The following CAMTA1 variants were observed in gnomAD, a reference collection of about 807,000 sequenced individuals.
The protein encoded by CAMTA1 is calmodulin-binding transcription activator 1.
In CAMTA1, 27 loss-of-function variants were observed where a neutral mutation model predicts 170.9. The ratio of observed to expected loss-of-function variants is 0.16; its 90% CI spans 0.12 to 0.22. The LOEUF is 0.22. Among genes scored for constraint, CAMTA1 ranks in the 10% least tolerant of loss-of-function variants. The probability of loss-of-function intolerance (pLI) is 1.00; values close to 1 mark genes in which losing one functional copy is unlikely to be tolerated. For synonymous variants in CAMTA1, 833 were observed against 891.5 expected (o/e 0.93, Z 1.17); for missense variants, 1,619 against 2,217.2 (o/e 0.73, Z 5.42).
intron 4 of CAMTA1, among the ~76,000 whole-genome samples, chr1:7,190,190 C>T (rs1226913762): frequency 6.6e-6 from 1 of 152,104 alleles, no homozygotes; most frequent in Admixed American, 6.6e-5. Flanking sequence ...TGTATACTGC[C>T]TGGGAGATGG....
rs559440232 is a variant in CAMTA1, at chr1:7,414,608, C to G, written c.439-53222C>G. On this transcript the variant is annotated intron_variant, in intron 5 of 22. Transcript: ENST00000303635. ...TTCTGTGGGATCGGTGGTGATATCCCCTTTATCATTTTTTATTGTGTCTGT... is the reference window on the plus strand; with the variant it reads ...TTCTGTGGGATCGGTGGTGATATCCGCTTTATCATTTTTTATTGTGTCTGT... Among the ~76,000 whole-genome samples the G allele has an allele frequency of 7.9e-5, 12 of 152,012 alleles. No individual in the cohort carries two copies. In the South Asian group the frequency reaches 2.3e-3, roughly 29 times the overall value.
intron 1 of CAMTA1, among the ~76,000 whole-genome samples, chr1:6,804,067 C>T (rs1644218681): frequency 6.6e-6 from 1 of 152,002 alleles, no homozygotes; most frequent in African/African-American, 2.4e-5. Context: ...GCCAGTAATC[C>T]TAGCTACTTG....
intron 3 of CAMTA1, among the ~76,000 whole-genome samples, chr1:7,056,785 G>T (rs1286840884): frequency 6.6e-6 from 1 of 152,130 alleles, no homozygotes; most frequent in African/African-American, 2.4e-5. Context: ...GGAAAGTACC[G>T]AAGCTTGTGA....
intron 7 of CAMTA1, among the ~76,000 whole-genome samples, chr1:7,656,245 T>C (rs923977347): frequency 6.6e-6 from 1 of 152,182 alleles, no homozygotes; most frequent in African/African-American, 2.4e-5. Context: ...ACAACAGAAA[T>C]TGATCGTCTC....
intron 3 of CAMTA1, among the ~76,000 whole-genome samples, chr1:6,876,266 A>G (rs1275926507): frequency 6.6e-6 from 1 of 151,746 alleles, no homozygotes; most frequent in Non-Finnish European, 1.5e-5. Context: ...GTATGTTTAC[A>G]ATGTATCTGT....
chr1:7,745,129 C>CAAGG, intron 17 of CAMTA1, 107 bp downstream of exon 17: 1 of 1,090,588 alleles, frequency 9.2e-7, no homozygotes, highest in East Asian at 2.5e-5. Context: ...AAGACCATAC[C>CAAGG]AAGGAAGGAA....
At chr1:7,171,664 A>T (rs1649632499) in intron 4 of CAMTA1, among the ~76,000 whole-genome samples, 1 of 152,220 alleles carries the variant, frequency 6.6e-6, no homozygotes, top group Non-Finnish European at 1.5e-5. Context: ...ATTCAGTGGC[A>T]TTTAGCACGT....
chr1:7,240,785 C>G (rs142408963), intron 4 of CAMTA1, among the ~76,000 whole-genome samples: 1 of 152,130 alleles, frequency 6.6e-6, no homozygotes, highest in African/African-American at 2.4e-5. Flanking sequence ...AGATTACACA[C>G]GTGAGCCACC....
At chr1:7,556,439 C>T (rs890820216) in intron 6 of CAMTA1, among the ~76,000 whole-genome samples, 6 of 152,294 alleles carry the variant, frequency 3.9e-5, no homozygotes, top group South Asian at 2.1e-4. Context: ...TGCCTTCTTC[C>T]GGACCCTGGC....
intron 1 of CAMTA1, among the ~76,000 whole-genome samples, chr1:6,804,050 G>C (rs1425841891): frequency 6.6e-6 from 1 of 152,178 alleles, no homozygotes; most frequent in Non-Finnish European, 1.5e-5. Context: ...TGGGCATGGT[G>C]GCGGGTGCCA....
At chr1:7,121,954 C>T (rs1644667286) in intron 4 of CAMTA1, among the ~76,000 whole-genome samples, 1 of 152,008 alleles carries the variant, frequency 6.6e-6, no homozygotes, top group Non-Finnish European at 1.5e-5. Flanking sequence ...TCACCTTCTC[C>T]TTGGGGCTCC....
At position 7,443,320 on chromosome 1, in the gene CAMTA1, G is replaced by A. The variant is rs191884337; in HGVS notation, c.439-24510G>A. ...GGTCCCCATCGCATGCTCAGCCCCA[G>A]CATCGGGCCTGGCCCATGGCAAGCC... On this transcript the variant is annotated intron_variant, in intron 5 of 22. Transcript: ENST00000303635. This position sits in a 1 kb window ranked among gnomAD's most constrained non-coding sequence, Gnocchi z 4.1. Among the ~76,000 whole-genome samples the A allele has an allele frequency of 6.6e-6, 1 of 152,346 alleles. No homozygotes were observed. The highest frequency in any genetic ancestry group is 2.4e-5 in the African/African-American group (1 of 41,586).
chr1:6,958,473 A>G (rs1689844796), intron 3 of CAMTA1, among the ~76,000 whole-genome samples: 1 of 152,128 alleles, frequency 6.6e-6, no homozygotes, highest in Admixed American at 6.5e-5. Flanking sequence ...ATGAATTTCC[A>G]GGCATCTCCC....
chr1:7,107,790 G>C (rs1643761470), intron 4 of CAMTA1, among the ~76,000 whole-genome samples: 1 of 152,152 alleles, frequency 6.6e-6, no homozygotes, highest in African/African-American at 2.4e-5. Flanking sequence ...TGCGAGGCTA[G>C]AGGGCCTTTC....
chr1:7,259,442 G>C (rs569870405), intron 5 of CAMTA1, among the ~76,000 whole-genome samples: 2 of 152,092 alleles, frequency 1.3e-5, no homozygotes, highest in Non-Finnish European at 2.9e-5. Context: ...AGAATTTCAG[G>C]CCCCAACCCA....
At chr1:7,089,906 G>A (rs1251533268) in intron 3 of CAMTA1, among the ~76,000 whole-genome samples, 4 of 152,300 alleles carry the variant, frequency 2.6e-5, no homozygotes, top group East Asian at 3.9e-4. Context: ...GAAATAACAC[G>A]TAAAAAGGCT....
In CAMTA1 at chr1:6,994,033, T is replaced by C. The variant is rs557140283; in HGVS notation, c.235-97271T>C. ...AGGGAATGTAATGTATATTCTTAAC[T>C]TTTCACAATCTACATGTAGTTAATA... On this transcript the variant is annotated intron_variant, in intron 3 of 22. Coordinates refer to ENST00000303635, the MANE Select transcript of CAMTA1 (RefSeq NM_015215.4). Among the ~76,000 whole-genome samples, 94 of 152,324 alleles carry C rather than the reference T, an allele frequency of 6.2e-4. 1 individual carries two copies. The highest frequency in any genetic ancestry group is 1.7e-3 in the African/African-American group (72 of 41,588).
rs941767482 is a variant in CAMTA1, at chr1:7,146,398, T to C, written c.302+55027T>C. The stretch of plus-strand genomic sequence containing the variant: ...GAAGAGATAAGAATGTGTAGGAAGG[T>C]TATCTTTCAATTAAGAAGGGCAGTA... On this transcript the variant is annotated intron_variant, in intron 4 of 22. Transcript: ENST00000303635. The surrounding 1 kb of genome is among the most constrained non-coding windows in gnomAD (Gnocchi z 4.3). Among the ~76,000 whole-genome samples, 2 of 152,158 alleles carry C rather than the reference T, an allele frequency of 1.3e-5. No homozygotes were observed. The highest frequency in any genetic ancestry group is 6.5e-5 in the Admixed American group (1 of 15,284).
rs550466292 is a variant in CAMTA1, at chr1:7,447,710, G to A, written c.439-20120G>A. 1.8e-3 allele frequency among the ~76,000 whole-genome samples: 279 copies of A among 152,266 alleles called. 1 individual carries two copies. Among genetic ancestry groups the A allele is most frequent in the Non-Finnish European group, 3.4e-3 (231 of 67,998 alleles). On this transcript the variant is annotated intron_variant, in intron 5 of 22. Coordinates refer to ENST00000303635, the MANE Select transcript of CAMTA1 (RefSeq NM_015215.4). ...TGTGGGGGTTCTCTCGTCCACCCGA[G>A]TGCTTTCACTGGCCCTGGAAGCCTC...
Sources: gnomAD v4.1 joint callset for allele counts (sites outside exome capture counted in the v4.1 genomes callset) on GRCh38, gnomAD v4.1.1 for gene constraint, Gnocchi (gnomAD v3.1) non-coding constraint, MANE v1.5 for transcripts, NCBI Gene and HGNC (gene_info 2026-07-23, HGNC 2026-07-21) for gene names.